The following F13B variants were observed in gnomAD, a reference collection of about 807,000 sequenced individuals.
F13B encodes TGase.
In F13B, 58 loss-of-function variants were observed where a neutral mutation model predicts 79.8. The observed-to-expected ratio is 0.73, with a 90% confidence interval of 0.59 to 0.90. The LOEUF (loss-of-function observed/expected upper bound fraction) is 0.90. Among genes scored for constraint, F13B ranks in the 40% least tolerant of loss-of-function variants. The pLI is 0.00. For synonymous variants in F13B, 283 were observed against 260.3 expected, an observed-to-expected ratio of 1.09 and a Z score of -0.84; for missense variants, 773 against 777.0, an observed-to-expected ratio of 0.99 and a Z score of 0.06.
intron 10 of F13B, among the ~76,000 whole-genome samples, chr1:197,047,561 A>G (rs1029691149): frequency 3.3e-5 from 5 of 152,200 alleles, no homozygotes; most frequent in African/African-American, 1.2e-4. Context: ...AACTAGTTCA[A>G]TCATTGTGGA....
intron 10 of F13B, among the ~76,000 whole-genome samples, chr1:197,047,187 GCAC>G (rs1655264915): frequency 6.6e-6 from 1 of 152,138 alleles, no homozygotes; most frequent in Non-Finnish European, 1.5e-5. Flanking sequence ...AAGAGCTTCT[GCAC>G]AGCAAAAGAA....
At chr1:197,059,126 G>C (rs1264059380) in intron 5 of F13B, among the ~76,000 whole-genome samples, 1 of 152,100 alleles carries the variant, frequency 6.6e-6, no homozygotes, top group Non-Finnish European at 1.5e-5. Context: ...TGAGGCAGGA[G>C]AATCACTTGA....
At chr1:197,062,065 G>A (rs556598617) in intron 2 of F13B, 96 bp from the exon 3 acceptor site, 22 of 1,073,520 alleles carry the variant, frequency 2.0e-5, no homozygotes, top group African/African-American at 9.4e-5. Context: ...TATTATTGGC[G>A]ATTTCATTTT....
In F13B at chr1:197,057,162, A is replaced by C. The variant is rs1264623518; in HGVS notation, c.1022T>G (p.Phe341Cys). The C allele has an allele frequency of 1.2e-6, 2 of 1,613,914 alleles. No homozygotes were observed. Among genetic ancestry groups the C allele is most frequent in the Non-Finnish European group, 1.7e-6 (2 of 1,179,910 alleles). The change falls in exon 7 of 12, where the codon TTC (phenylalanine) becomes TGC (cysteine). Residue 341 changes from phenylalanine (F) to cysteine (C), a missense_variant. Physicochemically the swap from Phe to Cys is radical, Grantham distance 205. Coordinates refer to ENST00000367412, the MANE Select transcript of F13B (RefSeq NM_001994.3). ...QEKVACEEPP[F>C]IENGAANLHS... is the part of the protein sequence containing the mutation. Reference sequence around the variant, plus strand: ...TAAATTTGCTGCACCATTTTCAATGAAGGGTGGTTCCTCACAGGCTACCTT... The same window carrying C: ...TAAATTTGCTGCACCATTTTCAATGCAGGGTGGTTCCTCACAGGCTACCTT...
intron 10 of F13B, among the ~76,000 whole-genome samples, chr1:197,049,197 A>G (rs1258847251): frequency 1.3e-5 from 2 of 152,016 alleles, no homozygotes; most frequent in Non-Finnish European, 2.9e-5. Context: ...CTATGTATTC[A>G]TCTAAACAAG....
intron 5 of F13B, among the ~76,000 whole-genome samples, chr1:197,057,880 C>G (rs1437234124): frequency 6.6e-6 from 1 of 152,160 alleles, no homozygotes; most frequent in Non-Finnish European, 1.5e-5. Context: ...AACAGAGGCT[C>G]TCAGTTCAGC....
In F13B at chr1:197,060,851, A is replaced by T. The variant is rs747971321; in HGVS notation, c.628+48T>A. On this transcript the variant is annotated intron_variant, in intron 4 of 11. Coordinates refer to ENST00000367412, the MANE Select transcript of F13B (RefSeq NM_001994.3). Reference sequence around the variant, plus strand: ...CAACTTATATACACTTCTCTATGAGAAAAAGCTTTCAGAGTGAGAGTAGAT... The same window carrying T: ...CAACTTATATACACTTCTCTATGAGTAAAAGCTTTCAGAGTGAGAGTAGAT... The T allele has an allele frequency of 6.5e-6, 10 of 1,549,354 alleles. No individual in the cohort carries two copies. In the South Asian group the frequency reaches 8.9e-5, roughly 14 times the overall value.
intron 10 of F13B, among the ~76,000 whole-genome samples, chr1:197,048,919 G>A (rs1655340641): frequency 6.6e-6 from 1 of 152,038 alleles, no homozygotes; most frequent in Non-Finnish European, 1.5e-5. Flanking sequence ...ATAATTCAAA[G>A]TATGTCTTAA....
At position 197,060,462 on chromosome 1, in the gene F13B, C is replaced by T. The variant is rs145637157; in HGVS notation, c.709G>A (p.Val237Ile). 576 of 1,607,592 alleles carry T rather than the reference C, an allele frequency of 3.6e-4. No individual in the cohort carries two copies. The highest frequency in any genetic ancestry group is 5.9e-4 in the Admixed American group (35 of 59,556). Residue 237 changes from valine (V) to isoleucine (I), a missense_variant, in exon 5 of 12, where the codon GTT becomes ATT. Physicochemically the swap from Val to Ile is conservative, Grantham distance 29. Coordinates refer to ENST00000367412, the MANE Select transcript of F13B (RefSeq NM_001994.3). ...VKQTYEEGDVVQFFCHENYYL... is the reference protein window; with the variant it reads ...VKQTYEEGDVIQFFCHENYYL... ...TAATTTTCATGACAGAAAAACTGAA[C>T]GACATCTCCTTCTTCATAGGTTTGC... is the stretch of plus-strand genomic sequence containing the variant.
intron 9 of F13B, among the ~76,000 whole-genome samples, 165 bp downstream of exon 9, chr1:197,052,469 C>T (rs1446253409): frequency 1.3e-5 from 2 of 151,866 alleles, no homozygotes; most frequent in Non-Finnish European, 2.9e-5. Flanking sequence ...CAAACCTGCA[C>T]ATTCTGCACT....
intron 11 of F13B, among the ~76,000 whole-genome samples, 171 bp from the exon 12 acceptor site, chr1:197,039,582 C>A (rs555905011): frequency 1.3e-5 from 2 of 151,940 alleles, no homozygotes; most frequent in African/African-American, 4.8e-5. Flanking sequence ...TTTAAAAATG[C>A]AATATTATTT....
rs1199934930 is a variant in F13B, at chr1:197,060,894, C to T, written c.628+5G>A. The T allele has an allele frequency of 6.2e-7, 1 of 1,611,888 alleles. No individual in the cohort carries two copies. Among genetic ancestry groups the T allele is most frequent in the Non-Finnish European group, 8.5e-7 (1 of 1,178,342 alleles). Reference sequence around the variant, plus strand: ...GAGTAGATTTTATTCCAAATGAGAACCTACTGGTACATTTTGGTGTGAGAG... The same window carrying T: ...GAGTAGATTTTATTCCAAATGAGAATCTACTGGTACATTTTGGTGTGAGAG... On this transcript the variant is annotated splice_donor_5th_base_variant and intron_variant, in intron 4 of 11. Transcript: ENST00000367412.
chr1:197,056,629 G>A (rs941865979), intron 7 of F13B, among the ~76,000 whole-genome samples: 1 of 152,144 alleles, frequency 6.6e-6, no homozygotes, highest in African/African-American at 2.4e-5. Flanking sequence ...CATATGGGGA[G>A]AAGAAGTAGA....
intron 9 of F13B, among the ~76,000 whole-genome samples, chr1:197,052,202 T>C (rs1558307178): frequency 6.6e-6 from 1 of 152,174 alleles, no homozygotes; most frequent in Non-Finnish European, 1.5e-5. Context: ...AATTTTTGTA[T>C]AAGGTGTAAT....
At chr1:197,060,840 T>C in intron 4 of F13B, 59 bp downstream of exon 4, 3 of 1,487,644 alleles carry the variant, frequency 2.0e-6, no homozygotes, top group Non-Finnish European at 2.8e-6. Context: ...TTATATACAC[T>C]TCTCTATGAG....
At chr1:197,050,016 T>C (rs1655386785) in intron 10 of F13B, among the ~76,000 whole-genome samples, 1 of 152,116 alleles carries the variant, frequency 6.6e-6, no homozygotes, top group Non-Finnish European at 1.5e-5. Context: ...GAAAGGTTTT[T>C]ATACCTTTAA....
In F13B at chr1:197,039,036, TGACG is replaced by T. The variant is rs1654942442; in HGVS notation, c.*338_*341del. ...AAAGCCTTAATATTAATAAAGATGATGACGAATGTGAATGTGAAATTTTTGCACA... is the reference window on the plus strand; with the variant it reads ...AAAGCCTTAATATTAATAAAGATGATAATGTGAATGTGAAATTTTTGCACA... On this transcript the variant is annotated 3_prime_UTR_variant, in exon 12 of 12. Transcript: ENST00000367412. Among the ~76,000 whole-genome samples the T allele has an allele frequency of 6.6e-6, 1 of 152,040 alleles. No homozygotes were observed. The highest frequency in any genetic ancestry group is 2.4e-5 in the African/African-American group (1 of 41,402).
intron 10 of F13B, among the ~76,000 whole-genome samples, chr1:197,042,359 T>G (rs553796478): frequency 3.3e-5 from 5 of 152,204 alleles, no homozygotes; most frequent in Admixed American, 6.5e-5. Context: ...AGTTGATTCA[T>G]GGACCTTTAA....
In F13B at chr1:197,039,392, G is replaced by T. The variant is rs1271964593; in HGVS notation, c.1972C>A (p.Pro658Thr). 1.2e-6 allele frequency: 2 copies of T among 1,610,666 alleles called. No homozygotes were observed. Among genetic ancestry groups the T allele is most frequent in the Admixed American group, 1.7e-5 (1 of 59,946 alleles). The change falls in exon 12 of 12, where the codon CCC becomes ACC. Residue 658 changes from proline (P) to threonine (T), a missense_variant. Pro to Thr is a conservative substitution (Grantham distance 38). Coordinates refer to ENST00000367412, the MANE Select transcript of F13B (RefSeq NM_001994.3). ...PRQSTLSYQE[P>T]LRT is the part of the protein sequence containing the mutation. ...GCCATTCATTTCTATGTTCTTAAGG[G>T]TTCTTGATAAGACAGAGTGCTTGAG...
Sources: allele counts gnomAD v4.1 joint callset (sites outside exome capture counted in the v4.1 genomes callset), GRCh38; gene constraint gnomAD v4.1.1; transcripts MANE v1.5; gene names NCBI Gene and HGNC (gene_info 2026-07-23, HGNC 2026-07-21).